Variants in SH3KBP1 observed in about 807,000 individuals in gnomAD.
The protein encoded by SH3KBP1 is SH3 domain containing kinase binding protein 1.
Under a neutral mutation model 50.1 loss-of-function variants are expected in SH3KBP1, and 8 were observed. The observed-to-expected ratio is 0.16, with a 90% CI of 0.09 to 0.29. The LOEUF (loss-of-function observed/expected upper bound fraction) is 0.29, where lower values mean the gene tolerates loss of function less well. SH3KBP1 is among the 10% of genes least tolerant of loss of function. SH3KBP1 has a pLI of 1.00. For synonymous variants in SH3KBP1, 227 were observed against 218.6 expected (o/e 1.04, Z -0.34); for missense variants, 377 against 535.2 (o/e 0.70, Z 2.92).
At chrX:19,591,257 C>T (rs1602586051) in intron 11 of SH3KBP1, among the ~76,000 whole-genome samples, 1 of 111,526 alleles carries the variant, frequency 9.0e-6, no homozygotes, top group Middle Eastern at 4.6e-3. Flanking sequence ...TTAAAAATAA[C>T]TGCTTTTTAA....
intron 6 of SH3KBP1, among the ~76,000 whole-genome samples, chrX:19,679,882 C>T (rs914603831): frequency 3.6e-5 from 4 of 112,132 alleles, no homozygotes; most frequent in Non-Finnish European, 5.6e-5. Context: ...GATTCATAAA[C>T]GGAATCCTTC....
At chrX:19,718,632 C>G (rs1259462105) in intron 3 of SH3KBP1, among the ~76,000 whole-genome samples, 4 of 112,302 alleles carry the variant, frequency 3.6e-5, no homozygotes, top group African/African-American at 9.7e-5. Context: ...TCTGATCACA[C>G]TTTGATTACA....
chrX:19,724,528 G>A (rs1308185771), intron 3 of SH3KBP1, among the ~76,000 whole-genome samples: 1 of 112,150 alleles, frequency 8.9e-6, no homozygotes, highest in Non-Finnish European at 1.9e-5. Context: ...CAGGCTTTGT[G>A]AGCCATATGG....
Position 19,680,738 on chromosome X carries a change from T to C in SH3KBP1, c.726+3085A>G, listed in dbSNP as rs764839958. The stretch of plus-strand genomic sequence containing the variant: ...TCGGCTTTTGTGCCAGGTTGTACAA[T>C]AACATGATAGATCCATAAATCTATG... On this transcript the variant is annotated intron_variant, in intron 6 of 17. Transcript: ENST00000397821. 1.7e-4 allele frequency among the ~76,000 whole-genome samples: 19 copies of C among 112,193 alleles called. No homozygotes were observed. The East Asian group carries it at 2.2e-3, about 13-fold the overall frequency.
At chrX:19,542,378 AC>A (rs1305529307) in intron 15 of SH3KBP1, among the ~76,000 whole-genome samples, 185 bp from the exon 16 acceptor site, 1 of 111,563 alleles carries the variant, frequency 9.0e-6, no homozygotes, top group African/African-American at 3.3e-5. Context: ...CCTTACTCAC[AC>A]GCCGCCTTCT....
intron 3 of SH3KBP1, among the ~76,000 whole-genome samples, chrX:19,724,833 G>A (rs1374603679): frequency 3.6e-5 from 4 of 111,765 alleles, no homozygotes; most frequent in Non-Finnish European, 5.6e-5. Context: ...GACTGCTTTT[G>A]AGGCAGGGTT....
intron 13 of SH3KBP1, among the ~76,000 whole-genome samples, chrX:19,561,545 C>T (rs1408197832): frequency 1.8e-5 from 2 of 111,837 alleles, no homozygotes; most frequent in African/African-American, 3.3e-5. Context: ...TTTTCCTTGC[C>T]CCCAACATTT....
intron 2 of SH3KBP1, among the ~76,000 whole-genome samples, chrX:19,830,342 CA>C (rs369662489): frequency 0.043 from 3,919 of 90,132 alleles, 147 homozygotes; most frequent in African/African-American, 0.13. Context: ...TACGTAGAAA[CA>C]AAAAAAAAAA....
At chrX:19,838,945 TAG>T (rs1311376263) in intron 1 of SH3KBP1, among the ~76,000 whole-genome samples, 1 of 99,296 alleles carries the variant, frequency 1.0e-5, no homozygotes, top group Non-Finnish European at 2.1e-5. Flanking sequence ...AAGAAAATGA[TAG>T]AGTTGCCACT....
At chrX:19,702,906 C>T (rs1005256197) in intron 4 of SH3KBP1, among the ~76,000 whole-genome samples, 1 of 112,462 alleles carries the variant, frequency 8.9e-6, no homozygotes, top group South Asian at 3.6e-4. Context: ...GAATTCACAG[C>T]CTGCTACTTT....
In SH3KBP1 at chrX:19,643,300, A is replaced by AT. The variant is rs201544483; in HGVS notation, c.802+2099dup. ...AGTGTGTGTGGGCTGAAACTGAAGA[A>AT]TTTTTTATTTTTTTTTTTTTTATTT... On this transcript the variant is annotated intron_variant, in intron 7 of 17. Transcript: ENST00000397821. Among the ~76,000 whole-genome samples the AT allele has an allele frequency of 5.8e-3, 502 of 86,843 alleles. 60 individuals are homozygous for AT. Among genetic ancestry groups the AT allele is most frequent in the African/African-American group, 0.016 (285 of 17,403 alleles). The allele number at this position is 86,843 out of a possible 115,157, so 75.4% of individuals were successfully genotyped here. A position where few individuals can be genotyped will look rare whatever the true frequency, so the allele number is the denominator to read the frequency against.
intron 1 of SH3KBP1, among the ~76,000 whole-genome samples, chrX:19,849,683 G>GAA (rs61338118): frequency 0.011 from 516 of 48,717 alleles, 19 homozygotes; most frequent in African/African-American, 0.029. Context: ...GTAGCAGAGT[G>GAA]AAAAAAAAAA....
At chrX:19,554,717 C>G (rs1434256013) in intron 13 of SH3KBP1, among the ~76,000 whole-genome samples, 1 of 111,741 alleles carries the variant, frequency 8.9e-6, no homozygotes, top group Non-Finnish European at 1.9e-5. Flanking sequence ...CACATTTCTG[C>G]TAAGTTTAAC....
intron 8 of SH3KBP1, among the ~76,000 whole-genome samples, chrX:19,608,494 A>G (rs2067312015): frequency 9.2e-6 from 1 of 109,104 alleles, no homozygotes; most frequent in Non-Finnish European, 1.9e-5. Flanking sequence ...TTTTTAGTAG[A>G]GACGGGGTTT....
rs192003405 is a variant in SH3KBP1, at chrX:19,838,901, A to G, written c.5-2619T>C. 2.2e-3 allele frequency among the ~76,000 whole-genome samples: 240 copies of G among 106,882 alleles called. 1 individual carries two copies. The highest frequency in any genetic ancestry group is 0.011 in the East Asian group (40 of 3,503). 92.8% of individuals were successfully genotyped at this position (106,882 alleles called of 115,157 possible). A position where few individuals can be genotyped will look rare whatever the true frequency, so the allele number is the denominator to read the frequency against. On this transcript the variant is annotated intron_variant, in intron 1 of 17. Coordinates refer to ENST00000397821, the MANE Select transcript of SH3KBP1 (RefSeq NM_031892.3). ...AACTTTGTCTCAAAAAAAAAAAAAA[A>G]AAAAAGAAAAAAAGAAAAGGAAAAA...
chrX:19,634,030 T>TGG (rs1491538660), intron 7 of SH3KBP1, among the ~76,000 whole-genome samples: 3 of 71,532 alleles, frequency 4.2e-5, no homozygotes, highest in African/African-American at 1.8e-4. Flanking sequence ...TTTTGTTCCC[T>TGG]GGTGTGTGTG....
intron 2 of SH3KBP1, among the ~76,000 whole-genome samples, chrX:19,759,353 G>T (rs1364594392): frequency 3.6e-5 from 4 of 111,630 alleles, no homozygotes; most frequent in Admixed American, 9.5e-5. Flanking sequence ...TTTAAAACAG[G>T]AGGGACAAGG....
intron 2 of SH3KBP1, among the ~76,000 whole-genome samples, chrX:19,819,499 A>G (rs1481677892): frequency 3.6e-5 from 4 of 110,080 alleles, no homozygotes; most frequent in Non-Finnish European, 7.6e-5. Flanking sequence ...ACGTCCAGCT[A>G]ATTTTTTGAT....
chrX:19,807,254 C>T (rs2067074932), intron 2 of SH3KBP1, among the ~76,000 whole-genome samples: 1 of 112,011 alleles, frequency 8.9e-6, no homozygotes, highest in Non-Finnish European at 1.9e-5. Context: ...ACAGGTAATT[C>T]TTACACATGT....
Sources: allele counts gnomAD v4.1 joint callset (sites outside exome capture counted in the v4.1 genomes callset), GRCh38; gene constraint gnomAD v4.1.1; transcripts MANE v1.5; gene names NCBI Gene and HGNC (gene_info 2026-07-23, HGNC 2026-07-21).